SLIT3: variants seen among roughly 807,000 people sequenced by gnomAD.
The protein encoded by SLIT3 is slit guidance ligand 3.
In SLIT3, 68 loss-of-function variants were observed where a neutral mutation model predicts 184.0. The observed-to-expected ratio is 0.37, with a 90% CI of 0.30 to 0.45. SLIT3 has a LOEUF of 0.45. SLIT3 is among the 20% of genes least tolerant of loss of function. The probability of loss-of-function intolerance (pLI) is 1.00; values close to 1 mark genes in which losing one functional copy is unlikely to be tolerated. For missense variants in SLIT3, 1,707 were observed against 2,026.0 expected (o/e 0.84, Z 3.02); for synonymous variants, 831 against 828.6 (o/e 1.00, Z -0.05).
chr5:168,796,734 G>A (rs771395414), intron 9 of SLIT3, among the ~76,000 whole-genome samples: 2 of 152,158 alleles, frequency 1.3e-5, no homozygotes, highest in Non-Finnish European at 1.5e-5. Flanking sequence ...GGAGACAGTC[G>A]TATTAATTTG....
At chr5:168,754,142 T>A (rs1754812883) in intron 16 of SLIT3, 135 bp from the exon 17 acceptor site, 2 of 857,998 alleles carry the variant, frequency 2.3e-6, no homozygotes, top group Non-Finnish European at 3.5e-6. Context: ...TGGAAGGAGC[T>A]CAGTCTGGGG....
At chr5:169,025,778 C>CA (rs922266317) in intron 4 of SLIT3, among the ~76,000 whole-genome samples, 7 of 151,734 alleles carry the variant, frequency 4.6e-5, no homozygotes, top group African/African-American at 1.5e-4. Flanking sequence ...GATAGTTCAT[C>CA]AAAAAAAAGT....
intron 1 of SLIT3, among the ~76,000 whole-genome samples, chr5:169,265,013 A>C (rs1242429591): frequency 6.6e-6 from 1 of 152,210 alleles, no homozygotes. Flanking sequence ...GAATGGGCCA[A>C]ACAGAGGGGC....
intron 20 of SLIT3, among the ~76,000 whole-genome samples, chr5:168,742,418 G>A (rs1763663143): frequency 7.0e-6 from 1 of 142,658 alleles, no homozygotes; most frequent in Non-Finnish European, 1.5e-5. Context: ...GGGTGAAATG[G>A]AAGATGCAGA....
At chr5:168,676,636 C>T (rs937757985) in intron 32 of SLIT3, among the ~76,000 whole-genome samples, 12 of 152,218 alleles carry the variant, frequency 7.9e-5, no homozygotes, top group African/African-American at 2.9e-4. Context: ...TCTAACCACA[C>T]ATGCAAAAAT....
Position 168,692,683 on chromosome 5 carries a change from C to T in SLIT3, c.3100G>A (p.Val1034Met). The T allele has an allele frequency of 6.2e-7, 1 of 1,613,988 alleles. No homozygotes were observed. The highest frequency in any genetic ancestry group is 8.5e-7 in the Non-Finnish European group (1 of 1,179,894). The change falls in exon 29 of 36, where the codon GTG (valine) becomes ATG (methionine). Residue 1034 changes from valine to methionine, a missense_variant. Physicochemically the swap from Val to Met is conservative, Grantham distance 21 (BLOSUM62 1). Around this residue, in one of 3 missense-constraint regions of SLIT3, gnomAD observed 1,307 missense variants for 1,511.6 expected, o/e 0.86. Coordinates refer to ENST00000519560, the MANE Select transcript of SLIT3 (RefSeq NM_003062.4). ...PNYTGELCDEVIDHCVPELNL... is the reference protein window; with the variant it reads ...PNYTGELCDEMIDHCVPELNL... ...AGCTCAGGCACACAGTGGTCAATCA[C>T]CTCGTCGCATAGCTCACCTGGCACA...
At chr5:168,771,425 C>T (rs968849295) in intron 14 of SLIT3, among the ~76,000 whole-genome samples, 1 of 152,130 alleles carries the variant, frequency 6.6e-6, no homozygotes, top group African/African-American at 2.4e-5. Flanking sequence ...GAGGTTTAGT[C>T]CTGCCTCCGC....
Position 168,778,134 on chromosome 5 carries a change from T to C in SLIT3, c.1152-3756A>G, listed in dbSNP as rs563739929. On this transcript the variant is annotated intron_variant, in intron 12 of 35. Transcript: ENST00000519560. ...GTTTGAGGAGCATTGGTGTAACTGC[T>C]GTGTGAAATGATAATAATGCAGCAT... Among the ~76,000 whole-genome samples, 211 of 152,326 alleles carry C rather than the reference T, an allele frequency of 1.4e-3. 1 individual carries two copies. The highest frequency in any genetic ancestry group is 4.5e-3 in the African/African-American group (188 of 41,588).
chr5:169,037,473 T>C (rs970003054), intron 4 of SLIT3, among the ~76,000 whole-genome samples: 2 of 151,794 alleles, frequency 1.3e-5, no homozygotes, highest in African/African-American at 2.4e-5. Context: ...TGCCTTGAAA[T>C]AGAAAAATAA....
intron 4 of SLIT3, among the ~76,000 whole-genome samples, chr5:168,912,246 AC>A (rs202240984): frequency 0.056 from 8,477 of 152,266 alleles, 264 homozygotes; most frequent in Middle Eastern, 0.075. Flanking sequence ...AGTGTATTAT[AC>A]ATACAACAAA....
At chr5:168,710,540 G>A (rs1412940960) in intron 25 of SLIT3, among the ~76,000 whole-genome samples, 3 of 151,996 alleles carry the variant, frequency 2.0e-5, no homozygotes, top group African/African-American at 7.2e-5. Context: ...AAAACAGGAG[G>A]ATCGTTGGAG....
rs758469080 is a variant in SLIT3, at chr5:169,006,921, C to T, written c.414-123585G>A. On this transcript the variant is annotated intron_variant, in intron 4 of 35. Transcript: ENST00000519560. ...TTGGTAAGCCAGGCTACTCTCATCA[C>T]GCAGCCCTGCCCACCCCACCCCCCA... 1.6e-4 allele frequency among the ~76,000 whole-genome samples: 24 copies of T among 152,132 alleles called. 1 individual carries two copies. The highest frequency in any genetic ancestry group is 9.2e-4 in the Admixed American group (14 of 15,272).
intron 4 of SLIT3, among the ~76,000 whole-genome samples, chr5:168,955,775 C>A (rs1561572182): frequency 6.6e-6 from 1 of 152,198 alleles, no homozygotes; most frequent in Non-Finnish European, 1.5e-5. Context: ...GGAGATGAGG[C>A]CCCACAGAGT....
intron 5 of SLIT3, among the ~76,000 whole-genome samples, chr5:168,875,063 GGA>G (rs1759680052): frequency 4.0e-5 from 4 of 100,698 alleles, no homozygotes; most frequent in African/African-American, 1.5e-4. Context: ...AAGAAAGGAA[GGA>G]AAGAAGGGAG....
intron 4 of SLIT3, among the ~76,000 whole-genome samples, chr5:168,978,573 T>C (rs1326550886): frequency 6.6e-6 from 1 of 152,118 alleles, no homozygotes; most frequent in Non-Finnish European, 1.5e-5. Flanking sequence ...GCCTGAGAAA[T>C]GAGTTCTTTT....
intron 4 of SLIT3, among the ~76,000 whole-genome samples, chr5:169,059,521 C>T (rs1181777755): frequency 3.9e-5 from 6 of 152,156 alleles, no homozygotes; most frequent in Admixed American, 6.5e-5. Context: ...CCAATGCTCT[C>T]GGTCCCAAAG....
chr5:168,909,277 G>A (rs1761178234), intron 4 of SLIT3, among the ~76,000 whole-genome samples: 1 of 152,046 alleles, frequency 6.6e-6, no homozygotes, highest in African/African-American at 2.4e-5. Context: ...TGTTTAATTT[G>A]GCTTGCAAAT....
At chr5:168,863,538 G>T (rs1174164069) in intron 5 of SLIT3, among the ~76,000 whole-genome samples, 1 of 152,180 alleles carries the variant, frequency 6.6e-6, no homozygotes, top group Non-Finnish European at 1.5e-5. Context: ...GGTCAATGTG[G>T]TTGTACTTAT....
chr5:168,885,734 G>A (rs1760176630), intron 4 of SLIT3, among the ~76,000 whole-genome samples: 1 of 152,212 alleles, frequency 6.6e-6, no homozygotes, highest in South Asian at 2.1e-4. Context: ...GAGAGGTTTA[G>A]AGCTGTCAGC....
Sources: gnomAD v4.1 joint callset for allele counts (sites outside exome capture counted in the v4.1 genomes callset) on GRCh38, gnomAD v4.1.1 for gene constraint, gnomAD v4.1.1 regional missense constraint, MANE v1.5 for transcripts, NCBI Gene and HGNC (gene_info 2026-07-23, HGNC 2026-07-21) for gene names.